The following CHSY1 variants were observed in gnomAD, a reference collection of about 807,000 sequenced individuals.
CHSY1 encodes the protein N-acetylgalactosaminyl-proteoglycan 3-beta-glucuronosyltransferase 1.
CHSY1 carries 13 observed loss-of-function variants against 59.8 expected under a neutral mutation model. The observed-to-expected ratio is 0.22, with a 90% CI of 0.14 to 0.35. The LOEUF is 0.35. Among genes scored for constraint, CHSY1 ranks in the 10% least tolerant of loss-of-function variants. CHSY1 has a pLI of 1.00. For missense variants in CHSY1, 947 were observed against 1,030.6 expected (o/e 0.92, Z 1.11); for synonymous variants, 459 against 401.2 (o/e 1.14, Z -1.72).
chr15:101,206,388 C>T (rs1460477573), intron 2 of CHSY1, among the ~76,000 whole-genome samples: 3 of 151,932 alleles, frequency 2.0e-5, no homozygotes, highest in African/African-American at 4.8e-5. Flanking sequence ...GGGTGGAGGT[C>T]GCAGTGAGGG....
Position 101,178,795 on chromosome 15 carries a change from C to A in CHSY1, c.1002G>T (p.Leu334=), listed in dbSNP as rs140051393. The change falls in exon 3 of 3, where the codon CTG becomes CTT. Residue 334 remains leucine (L), a synonymous_variant. Coordinates refer to ENST00000254190, the MANE Select transcript of CHSY1 (RefSeq NM_014918.5). Reference sequence around the variant, plus strand: ...TGCTCATCAGGACAATTTCGCGGTGCAGCTGTATTGTGCGATGGCGGAGCT... The same window carrying A: ...TGCTCATCAGGACAATTTCGCGGTGAAGCTGTATTGTGCGATGGCGGAGCT... The part of the protein sequence containing the change: ...ISELRHRTIQ[L]HREIVLMSKY... 59 of 1,614,072 alleles carry A rather than the reference C, an allele frequency of 3.7e-5. No homozygotes were observed. The highest frequency in any genetic ancestry group is 4.7e-5 in the Non-Finnish European group (56 of 1,180,058).
rs776833811 is a variant in CHSY1 at position 101,177,525 on chromosome 15, T to G, written c.2272A>C (p.Lys758Gln). Reference sequence around the variant, plus strand: ...GACCCCAAGCACATTTTGTACTGTTTGGGGTCAAGATTGGGATCACAAAAG... The same window carrying G: ...GACCCCAAGCACATTTTGTACTGTTGGGGGTCAAGATTGGGATCACAAAAG... ...PVFCDPNLDP[K>Q]QYKMCLGSKA... The change falls in exon 3 of 3, where the codon AAA becomes CAA. Residue 758 changes from lysine (K) to glutamine (Q), a missense_variant. Coordinates refer to ENST00000254190, the MANE Select transcript of CHSY1 (RefSeq NM_014918.5). 1.9e-6 allele frequency: 3 copies of G among 1,613,708 alleles called. No homozygotes were observed. The highest frequency in any genetic ancestry group is 2.5e-6 in the Non-Finnish European group (3 of 1,179,610).
intron 2 of CHSY1, among the ~76,000 whole-genome samples, chr15:101,207,298 G>A (rs1365656501): frequency 2.0e-5 from 3 of 152,200 alleles, no homozygotes; most frequent in African/African-American, 4.8e-5. Context: ...AAAGAGTTAC[G>A]TCCACATAAC....
chr15:101,235,386 T>C lies in CHSY1; in HGVS notation c.512A>G (p.Asp171Gly). 1 of 1,614,206 alleles carries C rather than the reference T, an allele frequency of 6.2e-7. No individual in the cohort carries two copies. The highest frequency in any genetic ancestry group is 8.5e-7 in the Non-Finnish European group (1 of 1,180,030). The change falls in exon 2 of 3, where the codon GAT (aspartate) becomes GGT (glycine). Residue 171 changes from aspartate (D) to glycine (G), a missense_variant. Asp to Gly is a moderately conservative substitution (Grantham distance 94). Coordinates refer to ENST00000254190, the MANE Select transcript of CHSY1 (RefSeq NM_014918.5). Reference sequence around the variant, plus strand: ...GTCTCCTTTGATGTACACGTCATCATCTGCTCTCATAAACCATTCATACTT... The same window carrying C: ...GTCTCCTTTGATGTACACGTCATCACCTGCTCTCATAAACCATTCATACTT... ...LDKYEWFMRA[D>G]DDVYIKGDRL...
At chr15:101,212,307 C>T (rs187702027) in intron 2 of CHSY1, among the ~76,000 whole-genome samples, 1 of 152,276 alleles carries the variant, frequency 6.6e-6, no homozygotes, top group African/African-American at 2.4e-5. Context: ...AGCAATTCCA[C>T]TTCTAGGTAT....
At chr15:101,209,350 G>C (rs2038660177) in intron 2 of CHSY1, among the ~76,000 whole-genome samples, 1 of 152,214 alleles carries the variant, frequency 6.6e-6, no homozygotes, top group Non-Finnish European at 1.5e-5. Context: ...AAAGGATGGA[G>C]ACCTGTTTCA....
chr15:101,249,747 T>G (rs1278094849), intron 1 of CHSY1, among the ~76,000 whole-genome samples: 1 of 152,026 alleles, frequency 6.6e-6, no homozygotes, highest in Non-Finnish European at 1.5e-5. Flanking sequence ...ACTCCTGACC[T>G]CAGGCGATCC....
At chr15:101,199,348 A>G (rs1287167147) in intron 2 of CHSY1, among the ~76,000 whole-genome samples, 1 of 152,100 alleles carries the variant, frequency 6.6e-6, no homozygotes, top group East Asian at 1.9e-4. Flanking sequence ...CTAAAAATAC[A>G]AAAAATTAGC....
intron 2 of CHSY1, among the ~76,000 whole-genome samples, chr15:101,229,991 G>A (rs138687339): frequency 6.6e-6 from 1 of 151,374 alleles, no homozygotes; most frequent in Non-Finnish European, 1.5e-5. Context: ...GCCCAGGCTG[G>A]AGTGAAGTGG....
intron 2 of CHSY1, among the ~76,000 whole-genome samples, chr15:101,206,314 G>A (rs1018139703): frequency 6.6e-6 from 1 of 151,992 alleles, no homozygotes. Flanking sequence ...GAGAACCAAC[G>A]ACCAGGTATT....
At chr15:101,188,088 T>C (rs931735026) in intron 2 of CHSY1, 20 of 985,368 alleles carry the variant, frequency 2.0e-5, no homozygotes, top group Middle Eastern at 5.2e-4. Flanking sequence ...ACTGTTTACA[T>C]GACTGTCCTT....
At chr15:101,219,091 A>C (rs1242754191) in intron 2 of CHSY1, among the ~76,000 whole-genome samples, 1 of 152,220 alleles carries the variant, frequency 6.6e-6, no homozygotes, top group Non-Finnish European at 1.5e-5. Context: ...ATCCTGTTTT[A>C]GGGAAGAACG....
intron 2 of CHSY1, chr15:101,189,438 T>C (rs2038414812): frequency 1.0e-6 from 1 of 985,226 alleles, no homozygotes; most frequent in Admixed American, 6.2e-5. Flanking sequence ...AGGGACAAGG[T>C]GGATGTAAGC....
chr15:101,237,663 C>A (rs2038960520), intron 1 of CHSY1, among the ~76,000 whole-genome samples: 1 of 152,216 alleles, frequency 6.6e-6, no homozygotes, highest in African/African-American at 2.4e-5. Flanking sequence ...TGCGAGGAAA[C>A]CACGTAAAGG....
At chr15:101,233,351 C>T (rs1462028459) in intron 2 of CHSY1, among the ~76,000 whole-genome samples, 1 of 152,110 alleles carries the variant, frequency 6.6e-6, no homozygotes, top group African/African-American at 2.4e-5. Flanking sequence ...TTTAAAAATT[C>T]TCTCCCGAAA....
chr15:101,245,805 C>T lies in CHSY1; in HGVS notation c.320+5332G>A, dbSNP rs192695111. Among the ~76,000 whole-genome samples, 9 of 152,298 alleles carry T rather than the reference C, an allele frequency of 5.9e-5. No individual in the cohort carries two copies. In the East Asian group the frequency reaches 7.7e-4, roughly 13 times the overall value. The stretch of plus-strand genomic sequence containing the variant: ...TCCCTAGTCTCCTACAGGAAATTCA[C>T]GATCTGAAATGACTTGGTGCTCCAA... On this transcript the variant is annotated intron_variant, in intron 1 of 2. Coordinates refer to ENST00000254190, the MANE Select transcript of CHSY1 (RefSeq NM_014918.5).
intron 1 of CHSY1, among the ~76,000 whole-genome samples, chr15:101,242,916 A>G (rs2039016386): frequency 6.6e-6 from 1 of 152,208 alleles, no homozygotes; most frequent in Non-Finnish European, 1.5e-5. Context: ...ACCCTTTTTG[A>G]AAGGAGGTGG....
At chr15:101,250,857 T>C (rs991801811) in intron 1 of CHSY1, among the ~76,000 whole-genome samples, 4 of 152,186 alleles carry the variant, frequency 2.6e-5, no homozygotes, top group African/African-American at 9.7e-5. Flanking sequence ...AAGCTTCGAT[T>C]TGCAAAGGCT....
chr15:101,189,474 C>A, intron 2 of CHSY1: 1 of 985,462 alleles, frequency 1.0e-6, no homozygotes, highest in East Asian at 1.1e-4. Context: ...TCGGGGGGAC[C>A]AGGACGTGCC....
Sources: gnomAD v4.1 joint callset for allele counts (sites outside exome capture counted in the v4.1 genomes callset) on GRCh38, gnomAD v4.1.1 for gene constraint, MANE v1.5 for transcripts, NCBI Gene and HGNC (gene_info 2026-07-23, HGNC 2026-07-21) for gene names.